HPCAL1: variants seen among roughly 807,000 people sequenced by gnomAD.
HPCAL1 encodes the protein hippocalcin-like protein 1.
Under a neutral mutation model 17.1 loss-of-function variants are expected in HPCAL1, and 8 were observed. The ratio of observed to expected loss-of-function variants is 0.47; its 90% confidence interval spans 0.27 to 0.84. HPCAL1 has a LOEUF of 0.84. Among genes scored for constraint, HPCAL1 ranks in the 40% least tolerant of loss-of-function variants. HPCAL1 has a pLI of 0.13. For missense variants in HPCAL1, 165 were observed against 271.1 expected (o/e 0.61, Z 2.75); for synonymous variants, 112 against 111.4 (o/e 1.01, Z -0.03).
At position 10,367,650 on chromosome 2, in the gene HPCAL1, G is replaced by T. The variant is rs557512501; in HGVS notation, c.-110-29185G>T. 1.3e-5 allele frequency among the ~76,000 whole-genome samples: 2 copies of T among 152,200 alleles called. No homozygotes were observed. The highest frequency in any genetic ancestry group is 2.9e-5 in the Non-Finnish European group (2 of 68,034). ...ATTTTATGCTTCCTTGCAAAAATTT[G>T]TCGAAAGTGCCAGAAAAGCCCTTGT... On this transcript the variant is annotated intron_variant, in intron 1 of 4. Transcript: ENST00000307845. The surrounding 1 kb of genome is among the most constrained non-coding windows in gnomAD (Gnocchi z 4.4).
chr2:10,361,020 T>C (rs4669578), intron 1 of HPCAL1, among the ~76,000 whole-genome samples: 110,030 of 146,874 alleles, frequency 0.75, 41,562 homozygotes, highest in East Asian at 0.98. Context: ...GGCTGGGATC[T>C]GTGGGAATGA....
intron 1 of HPCAL1, chr2:10,368,744 G>A (rs1264106924): frequency 6.6e-6 from 1 of 152,232 alleles, no homozygotes; most frequent in African/African-American, 2.4e-5. Context: ...CAAGGTCAGT[G>A]GGTGTGTGTT....
At chr2:10,424,947 T>A (rs1671308912) in intron 4 of HPCAL1, 1 of 247,074 alleles carries the variant, frequency 4.0e-6, no homozygotes, top group Non-Finnish European at 8.3e-6. Flanking sequence ...AGCCACCCTC[T>A]CCTCAGCTTG....
rs1352103054 is a variant in HPCAL1, at chr2:10,367,758, G to C, written c.-110-29077G>C. Among the ~76,000 whole-genome samples, 1 of 152,150 alleles carries C rather than the reference G, an allele frequency of 6.6e-6. No individual in the cohort carries two copies. Among genetic ancestry groups the C allele is most frequent in the Non-Finnish European group, 1.5e-5 (1 of 68,030 alleles). On this transcript the variant is annotated intron_variant, in intron 1 of 4. Coordinates refer to ENST00000307845, the MANE Select transcript of HPCAL1 (RefSeq NM_002149.4). The surrounding 1 kb of genome is among the most constrained non-coding windows in gnomAD (Gnocchi z 4.4). ...TGTGAGCCCTGTGCTGGAGTGGAGG[G>C]TGACAGAGCTTCGGACATGAGCAGC...
intron 1 of HPCAL1, among the ~76,000 whole-genome samples, chr2:10,360,481 T>G (rs1238697899): frequency 6.6e-6 from 1 of 152,112 alleles, no homozygotes; most frequent in Non-Finnish European, 1.5e-5. Flanking sequence ...GCACGATCTC[T>G]GTTCACTGTA....
chr2:10,359,826 C>T lies in HPCAL1; in HGVS notation c.-110-37009C>T, dbSNP rs1666410843. ...TGTATTGTGAAGGCACAGGGAGGGC[C>T]CTTTCCAGAGCAGGCTGCATCTCCC... On this transcript the variant is annotated intron_variant, in intron 1 of 4. Coordinates refer to ENST00000307845, the MANE Select transcript of HPCAL1 (RefSeq NM_002149.4). The surrounding 1 kb of genome is among the most constrained non-coding windows in gnomAD (Gnocchi z 4.1). Among the ~76,000 whole-genome samples the T allele has an allele frequency of 6.6e-6, 1 of 152,154 alleles. No homozygotes were observed. The highest frequency in any genetic ancestry group is 1.5e-5 in the Non-Finnish European group (1 of 68,016).
intron 2 of HPCAL1, chr2:10,408,477 G>A (rs1017354637): frequency 5.3e-5 from 8 of 152,226 alleles, no homozygotes; most frequent in Non-Finnish European, 7.3e-5. Context: ...TAGGTCAGTG[G>A]GTTGGGTTTA....
intron 2 of HPCAL1, among the ~76,000 whole-genome samples, chr2:10,418,457 AAAAAAAAAAAAAAAC>A: frequency 6.6e-6 from 1 of 150,580 alleles, no homozygotes; most frequent in South Asian, 2.1e-4. Context: ...AAAAAAAAAA[AAAAAAAAAAAAAAAC>A]AACCCTGGGA....
rs1055652764 is a variant in HPCAL1 at position 10,344,689 on chromosome 2, C to G, written c.-111+41512C>G. Among the ~76,000 whole-genome samples, 1 of 152,186 alleles carries G rather than the reference C, an allele frequency of 6.6e-6. No homozygotes were observed. Among genetic ancestry groups the G allele is most frequent in the Non-Finnish European group, 1.5e-5 (1 of 68,022 alleles). Reference sequence around the variant, plus strand: ...GCTCCCCCTTCCCTTCCTCCCAGGACTTGCTCTGTCTCTGTCTCTTTCTCT... The same window carrying G: ...GCTCCCCCTTCCCTTCCTCCCAGGAGTTGCTCTGTCTCTGTCTCTTTCTCT... On this transcript the variant is annotated intron_variant, in intron 1 of 4. Transcript: ENST00000307845. This position sits in a 1 kb window ranked among gnomAD's most constrained non-coding sequence, Gnocchi z 4.9.
chr2:10,393,403 A>C (rs1668825974), intron 1 of HPCAL1, among the ~76,000 whole-genome samples: 1 of 152,206 alleles, frequency 6.6e-6, no homozygotes, highest in Non-Finnish European at 1.5e-5. Context: ...CTGGTGTCAG[A>C]GCTGGCTGGG....
chr2:10,352,701 G>GC (rs1318147504), intron 1 of HPCAL1, among the ~76,000 whole-genome samples: 2 of 152,230 alleles, frequency 1.3e-5, no homozygotes, highest in Admixed American at 6.5e-5. Context: ...GCCAGCTCAG[G>GC]CCCCCCCAGG....
chr2:10,379,074 T>A (rs1667775458), intron 1 of HPCAL1, among the ~76,000 whole-genome samples: 1 of 152,038 alleles, frequency 6.6e-6, no homozygotes, highest in Admixed American at 6.6e-5. Flanking sequence ...CTACCTGTAA[T>A]CCCAGCACTT....
intron 1 of HPCAL1, among the ~76,000 whole-genome samples, chr2:10,366,980 T>C (rs1666889326): frequency 6.6e-6 from 1 of 152,052 alleles, no homozygotes; most frequent in Non-Finnish European, 1.5e-5. Flanking sequence ...CTTGATGTGT[T>C]GGGACAAAGA....
At chr2:10,393,920 G>T (rs1258056571) in intron 1 of HPCAL1, among the ~76,000 whole-genome samples, 1 of 149,346 alleles carries the variant, frequency 6.7e-6, no homozygotes, top group Non-Finnish European at 1.5e-5. Context: ...TTTGAGACCA[G>T]CCTGGGCAAT....
At chr2:10,411,583 T>TCA (rs1670357762) in intron 2 of HPCAL1, among the ~76,000 whole-genome samples, 1 of 152,148 alleles carries the variant, frequency 6.6e-6, no homozygotes, top group Non-Finnish European at 1.5e-5. Flanking sequence ...CCCACTTTAT[T>TCA]CACTTTTTAT....
intron 1 of HPCAL1, among the ~76,000 whole-genome samples, chr2:10,315,218 A>G (rs1047733827): frequency 5.3e-5 from 8 of 151,704 alleles, no homozygotes; most frequent in East Asian, 3.9e-4. Context: ...GGGTGAACCC[A>G]GGAGGTGGAG....
intron 2 of HPCAL1, among the ~76,000 whole-genome samples, chr2:10,411,279 G>A (rs1437474122): frequency 6.6e-6 from 1 of 152,164 alleles, no homozygotes; most frequent in Non-Finnish European, 1.5e-5. Flanking sequence ...ACAGGACAAT[G>A]GGAAGGAGGT....
At chr2:10,348,626 T>TATAA (rs1553345174) in intron 1 of HPCAL1, among the ~76,000 whole-genome samples, 41 of 150,198 alleles carry the variant, frequency 2.7e-4, no homozygotes, top group African/African-American at 1.0e-3. Context: ...TATATATATA[T>TATAA]AAATTAGCCA....
rs911230311 is a variant in HPCAL1, at chr2:10,334,513, T to TA, written c.-111+31345dup. On this transcript the variant is annotated intron_variant, in intron 1 of 4. Coordinates refer to ENST00000307845, the MANE Select transcript of HPCAL1 (RefSeq NM_002149.4). ...ATGGAGTGGAGTGAGACCTTGTCTTTAAAAAAAAAGAAAAGAAAACAGAAA... is the reference window on the plus strand; with the variant it reads ...ATGGAGTGGAGTGAGACCTTGTCTTTAAAAAAAAAAGAAAAGAAAACAGAAA... Among the ~76,000 whole-genome samples, 81 of 149,924 alleles carry TA rather than the reference T, an allele frequency of 5.4e-4. 1 individual carries two copies. The highest frequency in any genetic ancestry group is 1.9e-3 in the African/African-American group (76 of 40,768).
Sources: allele counts gnomAD v4.1 joint callset (sites outside exome capture counted in the v4.1 genomes callset), GRCh38; gene constraint gnomAD v4.1.1; non-coding constraint Gnocchi (gnomAD v3.1); transcripts MANE v1.5; gene names NCBI Gene and HGNC (gene_info 2026-07-23, HGNC 2026-07-21).